The following APPBP2 variants were observed in gnomAD, a reference collection of about 807,000 sequenced individuals.
The protein encoded by APPBP2 is amyloid protein-binding protein 2.
In APPBP2, 15 loss-of-function variants were observed where a neutral mutation model predicts 76.0. That is an observed-to-expected ratio of 0.20 (90% CI 0.13 to 0.30). The LOEUF is 0.30. Among genes scored for constraint, APPBP2 ranks in the 10% least tolerant of loss-of-function variants. APPBP2 has a pLI of 1.00. For synonymous variants in APPBP2, 222 were observed against 242.2 expected, an observed-to-expected ratio of 0.92 and a Z score of 0.77; for missense variants, 401 against 687.2, an observed-to-expected ratio of 0.58 and a Z score of 4.66.
intron 2 of APPBP2, among the ~76,000 whole-genome samples, chr17:60,495,438 TATTA>T (rs1236411172): frequency 1.3e-4 from 14 of 105,416 alleles, no homozygotes; most frequent in Middle Eastern, 3.8e-3. Flanking sequence ...TTTATTTATT[TATTA>T]TTTATTTATT....
chr17:60,479,097 A>G, intron 4 of APPBP2, 51 bp downstream of exon 4: 1 of 1,563,836 alleles, frequency 6.4e-7, no homozygotes, highest in Non-Finnish European at 8.6e-7. Context: ...AAACTATAAA[A>G]GCCACTAAAT....
At chr17:60,451,805 C>T (rs970454225) in intron 12 of APPBP2, 75 bp downstream of exon 12, 1 of 1,346,606 alleles carries the variant, frequency 7.4e-7, no homozygotes, top group Non-Finnish European at 1.0e-6. Flanking sequence ...TAACATTTTC[C>T]TTATACAACA....
At chr17:60,449,840 C>A (rs961233597) in intron 12 of APPBP2, among the ~76,000 whole-genome samples, 7 of 152,046 alleles carry the variant, frequency 4.6e-5, no homozygotes, top group Non-Finnish European at 2.9e-5. Flanking sequence ...CTCCGTCACA[C>A]AGGCTGGAGT....
chr17:60,481,088 C>A (rs1322782639), intron 3 of APPBP2, among the ~76,000 whole-genome samples: 1 of 152,208 alleles, frequency 6.6e-6, no homozygotes, highest in Non-Finnish European at 1.5e-5. Context: ...CACGGGCCCT[C>A]TTTTCAGACC....
chr17:60,514,885 C>G (rs2090950511), intron 1 of APPBP2, among the ~76,000 whole-genome samples: 1 of 152,130 alleles, frequency 6.6e-6, no homozygotes, highest in Admixed American at 6.6e-5. Context: ...CTCATTGCAA[C>G]TGCCACCTCC....
chr17:60,515,757 T>G (rs1158169941), intron 1 of APPBP2, among the ~76,000 whole-genome samples: 1 of 152,266 alleles, frequency 6.6e-6, no homozygotes, highest in Non-Finnish European at 1.5e-5. Context: ...GCATCTGCAA[T>G]GCGCTATACC....
intron 3 of APPBP2, among the ~76,000 whole-genome samples, chr17:60,493,536 G>C (rs2090748006): frequency 6.6e-6 from 1 of 151,630 alleles, no homozygotes; most frequent in Non-Finnish European, 1.5e-5. Context: ...GTTTTGCTAT[G>C]TTGCCCAGGC....
chr17:60,508,358 C>A lies in APPBP2; in HGVS notation c.139-7871G>T, dbSNP rs2090886007. ...ACTGACAAAGATGCTAACCTTTCAA[C>A]CCTTTTTCGGACACAGAAAGGCTGG... On this transcript the variant is annotated intron_variant, in intron 1 of 12. Transcript: ENST00000083182. Among the ~76,000 whole-genome samples the A allele has an allele frequency of 2.6e-5, 4 of 152,190 alleles. No individual in the cohort carries two copies. In the South Asian group the frequency reaches 8.3e-4, roughly 32 times the overall value.
At position 60,525,904 on chromosome 17, in the gene APPBP2, G is replaced by A. The variant is rs2091050412; in HGVS notation, c.28C>T (p.Pro10Ser). MAAVELEWI[P>S]ETLYNTAISA... ...ATGGCGGTGTTATAGAGAGTCTCTG[G>A]GATCCACTCTAGTTCCACGGCCGCC... Residue 10 changes from proline (P) to serine (S), a missense_variant, in exon 1 of 13, where the codon CCA (proline) becomes TCA (serine). Around this residue, in one of 5 missense-constraint regions of APPBP2, gnomAD observed 149 missense variants for 198.4 expected, o/e 0.75. Transcript: ENST00000083182. 6.2e-7 allele frequency: 1 copy of A among 1,613,838 alleles called. No individual in the cohort carries two copies. Among genetic ancestry groups the A allele is most frequent in the Non-Finnish European group, 8.5e-7 (1 of 1,179,990 alleles).
chr17:60,520,683 A>C (rs2091003084), intron 1 of APPBP2, among the ~76,000 whole-genome samples: 1 of 152,172 alleles, frequency 6.6e-6, no homozygotes, highest in South Asian at 2.1e-4. Context: ...ATTTGGAAAA[A>C]ACACAAAATA....
Position 60,460,781 on chromosome 17 carries a change from G to C in APPBP2, c.943C>G (p.Leu315Val). 2 of 1,610,554 alleles carry C rather than the reference G, an allele frequency of 1.2e-6. No individual in the cohort carries two copies. The highest frequency in any genetic ancestry group is 1.1e-5 in the South Asian group (1 of 90,574). The change falls in exon 9 of 13, where the codon CTT becomes GTT. Residue 315 changes from leucine to valine, a missense_variant. By Grantham distance (32) the Leu-to-Val change is conservative. Around this residue, in one of 5 missense-constraint regions of APPBP2, gnomAD observed 130 missense variants for 322.7 expected, o/e 0.40. Transcript: ENST00000083182. ...CCAAACACTGACTGTCTAATGTCAA[G>C]GGCTGCCTGAAAGAATCATAAAAAT... ...CQSVAIYQAA[L>V]DIRQSVFGGK...
chr17:60,523,044 T>C (rs1474112369), intron 1 of APPBP2, among the ~76,000 whole-genome samples: 1 of 152,046 alleles, frequency 6.6e-6, no homozygotes, highest in African/African-American at 2.4e-5. Context: ...AACACAGTCA[T>C]ACTGTAGTAC....
At chr17:60,512,565 G>A (rs554923192) in intron 1 of APPBP2, among the ~76,000 whole-genome samples, 44 of 151,690 alleles carry the variant, frequency 2.9e-4, no homozygotes, top group African/African-American at 4.1e-4. Flanking sequence ...GGCTGGGTGC[G>A]GTGGCTCACA....
chr17:60,464,087 T>C lies in APPBP2; in HGVS notation c.696A>G (p.Ala232=). The change falls in exon 6 of 13, where the codon GCA becomes GCG. Residue 232 remains alanine, a synonymous_variant. Coordinates refer to ENST00000083182, the MANE Select transcript of APPBP2 (RefSeq NM_006380.5). The part of the protein sequence containing the change: ...YDEAYKWCIE[A]MKEITAGLPV... ...GTAAGCCTGCTGTAATTTCTTTCAT[T>C]GCCTCGATGCACCATTTGTATGCCT... 6.2e-7 allele frequency: 1 copy of C among 1,612,096 alleles called. No individual in the cohort carries two copies. Among genetic ancestry groups the C allele is most frequent in the Non-Finnish European group, 8.5e-7 (1 of 1,179,194 alleles).
rs1289105632 is a variant in APPBP2, at chr17:60,454,248, CA to C, written c.1338+53del. 18 of 1,259,930 alleles carry C rather than the reference CA, an allele frequency of 1.4e-5. No individual in the cohort carries two copies. In the African/African-American group the frequency reaches 2.4e-4, roughly 17 times the overall value. The allele number at this position is 1,259,930 out of a possible 1,614,324, so 78.0% of individuals were successfully genotyped here. On this transcript the variant is annotated intron_variant, in intron 11 of 12. Coordinates refer to ENST00000083182, the MANE Select transcript of APPBP2 (RefSeq NM_006380.5). ...TGAGCTTACTTAAAATTTATTATTT[CA>C]GGTTCTATTTCATTACTTAAGAGAG...
At chr17:60,519,136 T>A (rs2090988278) in intron 1 of APPBP2, among the ~76,000 whole-genome samples, 1 of 150,250 alleles carries the variant, frequency 6.7e-6, no homozygotes, top group South Asian at 2.1e-4. Flanking sequence ...TAAATTTTTT[T>A]TTTTCTGGTA....
rs1383950803 is a variant in APPBP2 at position 60,461,933 on chromosome 17, A to T, written c.831-18T>A. 6.2e-7 allele frequency: 1 copy of T among 1,608,722 alleles called. No homozygotes were observed. The highest frequency in any genetic ancestry group is 1.7e-5 in the Admixed American group (1 of 59,822). ...AATGATCCCTATAAAAAGACACAAAATTATTAGGATATAAAGTATAGAGAC... is the reference window on the plus strand; with the variant it reads ...AATGATCCCTATAAAAAGACACAAATTTATTAGGATATAAAGTATAGAGAC... On this transcript the variant is annotated intron_variant, in intron 7 of 12. Transcript: ENST00000083182.
At chr17:60,486,145 C>T (rs143987793) in intron 3 of APPBP2, among the ~76,000 whole-genome samples, 6,940 of 152,110 alleles carry the variant, frequency 0.046, 226 homozygotes, top group Non-Finnish European at 0.074. Flanking sequence ...GGAATAAGTA[C>T]GATGTGGTGC....
intron 1 of APPBP2, among the ~76,000 whole-genome samples, chr17:60,502,870 T>C (rs8069266): frequency 0.095 from 13,904 of 145,714 alleles, 4,220 homozygotes; most frequent in African/African-American, 0.37. Context: ...AAAAAAAGAA[T>C]AAACAAAAAC....
Sources: gnomAD v4.1 joint callset for allele counts (sites outside exome capture counted in the v4.1 genomes callset) on GRCh38, gnomAD v4.1.1 for gene constraint, gnomAD v4.1.1 regional missense constraint, MANE v1.5 for transcripts, NCBI Gene and HGNC (gene_info 2026-07-23, HGNC 2026-07-21) for gene names.